The following CDC20B variants were observed in gnomAD, a reference collection of about 807,000 sequenced individuals.
CDC20B encodes the protein cell division cycle 20B, also known as cell division cycle protein 20 homolog B.
A neutral mutation model predicts 64.1 loss-of-function variants in CDC20B; 58 were observed. The observed-to-expected ratio is 0.90, with a 90% CI of 0.73 to 1.13. The LOEUF (loss-of-function observed/expected upper bound fraction) is 1.13. CDC20B is among the 50% of genes most tolerant of loss of function. The pLI, the probability that CDC20B is intolerant of heterozygous loss-of-function variation, is 0.00. For missense variants in CDC20B, 597 were observed against 633.0 expected, an observed-to-expected ratio of 0.94 and a Z score of 0.61; for synonymous variants, 243 against 230.6, an observed-to-expected ratio of 1.05 and a Z score of -0.49.
At chr5:55,154,158 C>G (rs1003399615) in intron 2 of CDC20B, among the ~76,000 whole-genome samples, 1 of 152,178 alleles carries the variant, frequency 6.6e-6, no homozygotes, top group East Asian at 1.9e-4. Context: ...AGGTAAACAC[C>G]GTAATGGGAC....
chr5:55,134,243 C>G (rs1489104043), intron 5 of CDC20B, among the ~76,000 whole-genome samples: 1 of 152,086 alleles, frequency 6.6e-6, no homozygotes, highest in Non-Finnish European at 1.5e-5. Flanking sequence ...ACCAAGACCA[C>G]CCAGGTGACT....
At chr5:55,116,392 T>C (rs1168887377) in intron 11 of CDC20B, among the ~76,000 whole-genome samples, 2 of 152,092 alleles carry the variant, frequency 1.3e-5, no homozygotes, top group South Asian at 2.1e-4. Context: ...CATAGAAAGA[T>C]CCAGCCTCCT....
chr5:55,124,034 C>G lies in CDC20B; in HGVS notation c.1215+769G>C, dbSNP rs552170277. 1.6e-3 allele frequency among the ~76,000 whole-genome samples: 238 copies of G among 152,220 alleles called. 1 individual carries two copies. Among genetic ancestry groups the G allele is most frequent in the Non-Finnish European group, 2.4e-3 (165 of 68,030 alleles). Reference sequence around the variant, plus strand: ...TCTGTGAGTGACATATATTCTGGGACTACGTTGAGGTCAAGACACATCTGT... The same window carrying G: ...TCTGTGAGTGACATATATTCTGGGAGTACGTTGAGGTCAAGACACATCTGT... On this transcript the variant is annotated intron_variant, in intron 9 of 11. Transcript: ENST00000381375.
chr5:55,146,262 G>A (rs867824552), intron 3 of CDC20B, among the ~76,000 whole-genome samples: 1 of 152,100 alleles, frequency 6.6e-6, no homozygotes, highest in Non-Finnish European at 1.5e-5. Flanking sequence ...CAAATAAGGC[G>A]AACTGAGCTG....
rs1233329196 is a variant in CDC20B at position 55,173,010 on chromosome 5, A to C, written c.-10T>G. On this transcript the variant is annotated 5_prime_UTR_variant, in exon 1 of 12. Coordinates refer to ENST00000381375, the MANE Select transcript of CDC20B (RefSeq NM_001170402.1). ...CCAGTTTCCACTCCATCTCCGGCTG[A>C]CTTCGCCCTGCCTGGCGTTTGGCCT... 6 of 1,608,688 alleles carry C rather than the reference A, an allele frequency of 3.7e-6. No homozygotes were observed. Among genetic ancestry groups the C allele is most frequent in the Non-Finnish European group, 5.1e-6 (6 of 1,177,748 alleles).
Position 55,172,575 on chromosome 5 carries a change from G to A in CDC20B, c.126+13C>T, listed in dbSNP as rs778334368. The A allele has an allele frequency of 1.9e-6, 3 of 1,599,546 alleles. No individual in the cohort carries two copies. Among genetic ancestry groups the A allele is most frequent in the East Asian group, 2.2e-5 (1 of 44,800 alleles). On this transcript the variant is annotated intron_variant, in intron 2 of 11. Transcript: ENST00000381375. ...GAATTAAAACAGAGAACAAGAACAA[G>A]CCCTGGACTCACGTTGGCGGAATCT... is the stretch of plus-strand genomic sequence containing the variant.
intron 9 of CDC20B, 141 bp from the exon 10 acceptor site, chr5:55,120,691 C>T: frequency 1.1e-6 from 1 of 898,458 alleles, no homozygotes; most frequent in African/African-American, 1.7e-5. Flanking sequence ...AAGGCAGGAG[C>T]AACTGCACCC....
intron 3 of CDC20B, among the ~76,000 whole-genome samples, chr5:55,144,219 G>A (rs1743412541): frequency 6.6e-6 from 1 of 152,166 alleles, no homozygotes; most frequent in African/African-American, 2.4e-5. Context: ...ATGTTTTAAA[G>A]ATAGTTTAAG....
rs912664435 is a variant in CDC20B, at chr5:55,172,630, G to A, written c.84C>T (p.Leu28=). ...TTCTCTTCTGCTTCAAGTCTTTGGAGAGCACACGCATGATACTTTCCTTTG... is the reference window on the plus strand; with the variant it reads ...TTCTCTTCTGCTTCAAGTCTTTGGAAAGCACACGCATGATACTTTCCTTTG... ...EMLWESIMRV[L]SKDLKQKRSQ... is the part of the protein sequence containing the mutation. The change falls in exon 2 of 12, where the codon CTC becomes CTT. Residue 28 remains leucine, a synonymous_variant. Coordinates refer to ENST00000381375, the MANE Select transcript of CDC20B (RefSeq NM_001170402.1). The A allele has an allele frequency of 2.5e-6, 4 of 1,612,706 alleles. No individual in the cohort carries two copies. The African/African-American group carries it at 4.0e-5, about 16-fold the overall frequency.
At position 55,124,854 on chromosome 5, in the gene CDC20B, G is replaced by A. The variant is rs759621766; in HGVS notation, c.1164C>T (p.Ala388=). The change falls in exon 9 of 12, where the codon GCC becomes GCT. Residue 388 remains alanine (A), a synonymous_variant. Coordinates refer to ENST00000381375, the MANE Select transcript of CDC20B (RefSeq NM_001170402.1). ...CTTTCAGCGGTTGGCCCTGTGCACT[G>A]GCACCTGGATCGTGGGGCCATATTG... ...LLTIWPHDPG[A]SAQGQPLKVI... 1.2e-6 allele frequency: 2 copies of A among 1,614,182 alleles called. No individual in the cohort carries two copies. The highest frequency in any genetic ancestry group is 1.7e-6 in the Non-Finnish European group (2 of 1,180,024).
intron 2 of CDC20B, chr5:55,163,987 C>G: frequency 8.4e-7 from 1 of 1,184,988 alleles, no homozygotes; most frequent in Non-Finnish European, 1.2e-6. Context: ...TATGCAGATA[C>G]TAATAGAAGT....
At chr5:55,163,179 T>C (rs1744182094) in intron 2 of CDC20B, among the ~76,000 whole-genome samples, 1 of 152,058 alleles carries the variant, frequency 6.6e-6, no homozygotes. Flanking sequence ...TTGAGTGGTA[T>C]AAATAGAAAA....
chr5:55,132,269 T>C (rs1156761688), intron 6 of CDC20B, among the ~76,000 whole-genome samples: 3 of 152,160 alleles, frequency 2.0e-5, no homozygotes, highest in Non-Finnish European at 4.4e-5. Context: ...AGCTCATGCC[T>C]CTTTTTAGAT....
rs142691673 is a variant in CDC20B, at chr5:55,137,228, G to A, written c.580+3086C>T. On this transcript the variant is annotated intron_variant, in intron 5 of 11. Transcript: ENST00000381375. ...GCACTGAGAGCTCCAAATGTAGCAT[G>A]GAACAGGACCTTCTAGAAATTGCCA... 2.4e-3 allele frequency: 408 copies of A among 172,188 alleles called. 3 individuals are homozygous for A. Among genetic ancestry groups the A allele is most frequent in the African/African-American group, 9.1e-3 (382 of 42,204 alleles). The allele number at this position is 172,188 out of a possible 1,614,324, so 10.7% of individuals were successfully genotyped here. A position where few individuals can be genotyped will look rare whatever the true frequency, so the allele number is the denominator to read the frequency against.
At chr5:55,167,841 G>C (rs1744465385) in intron 2 of CDC20B, among the ~76,000 whole-genome samples, 2 of 152,102 alleles carry the variant, frequency 1.3e-5, no homozygotes, top group African/African-American at 4.8e-5. Context: ...TCCAGGCTGG[G>C]CAACAGAGCG....
intron 11 of CDC20B, among the ~76,000 whole-genome samples, chr5:55,116,690 G>A (rs1742633879): frequency 6.6e-6 from 1 of 152,124 alleles, no homozygotes; most frequent in Admixed American, 6.5e-5. Context: ...TAATAAGAAA[G>A]AAAAGTCTAT....
chr5:55,173,108 G>T lies in CDC20B; in HGVS notation c.-108C>A. The stretch of plus-strand genomic sequence containing the variant: ...GACGCCTAATCGTCAAACCCCTGGA[G>T]TCCCGTCCCCCAGGACCATTCTATT... On this transcript the variant is annotated 5_prime_UTR_variant, in exon 1 of 12. Transcript: ENST00000381375. 2.2e-6 allele frequency: 2 copies of T among 905,856 alleles called. No individual in the cohort carries two copies. The highest frequency in any genetic ancestry group is 1.5e-5 in the South Asian group (1 of 68,042). 56.1% of individuals were successfully genotyped at this position (905,856 alleles called of 1,614,324 possible). A position where few individuals can be genotyped will look rare whatever the true frequency, so the allele number is the denominator to read the frequency against.
At chr5:55,158,213 T>G (rs1743868352) in intron 2 of CDC20B, among the ~76,000 whole-genome samples, 1 of 152,196 alleles carries the variant, frequency 6.6e-6, no homozygotes. Context: ...GTGATGGTAC[T>G]GTGGAAGGTC....
At chr5:55,166,662 C>A (rs1744405575) in intron 2 of CDC20B, 1 of 152,198 alleles carries the variant, frequency 6.6e-6, no homozygotes, top group Non-Finnish European at 1.5e-5. Context: ...TTCCTTCAGT[C>A]TTGTTTCTGC....
Sources: allele counts gnomAD v4.1 joint callset (sites outside exome capture counted in the v4.1 genomes callset), GRCh38; gene constraint gnomAD v4.1.1; transcripts MANE v1.5; gene names NCBI Gene and HGNC (gene_info 2026-07-23, HGNC 2026-07-21).